The following C14orf132 variants were observed in gnomAD, a reference collection of about 807,000 sequenced individuals.
The protein encoded by C14orf132 is chromosome 14 open reading frame 132, also known as uncharacterized protein C14orf132.
A neutral mutation model predicts 5.8 loss-of-function variants in C14orf132; 6 were observed. The observed-to-expected ratio is 1.03, with a 90% CI of 0.57 to 2.04. The LOEUF (loss-of-function observed/expected upper bound fraction) is 2.04. Ranked by LOEUF, C14orf132 falls within the 30% of genes most tolerant of loss-of-function variation. The pLI, the probability that C14orf132 is intolerant of heterozygous loss-of-function variation, is 0.00. For synonymous variants in C14orf132, 51 were observed against 49.8 expected (o/e 1.02, Z -0.10); for missense variants, 125 against 115.8 (o/e 1.08, Z -0.37).
Position 96,039,736 on chromosome 14 carries a change from G to C in C14orf132, c.27+209G>C, listed in dbSNP as rs970905169. ...CGGGGTGGGGCGGGCTGCGCGCCCCGCACCCCCGCGGCTCGAGCTGTTCCC... is the reference window on the plus strand; with the variant it reads ...CGGGGTGGGGCGGGCTGCGCGCCCCCCACCCCCGCGGCTCGAGCTGTTCCC... On this transcript the variant is annotated intron_variant, in intron 1 of 1. Transcript: ENST00000555004. The surrounding 1 kb of genome is among the most constrained non-coding windows in gnomAD (Gnocchi z 5.3). Among the ~76,000 whole-genome samples the C allele has an allele frequency of 3.3e-5, 5 of 152,072 alleles. No individual in the cohort carries two copies. Among genetic ancestry groups the C allele is most frequent in the African/African-American group, 1.2e-4 (5 of 41,422 alleles).
intron 1 of C14orf132, among the ~76,000 whole-genome samples, chr14:96,048,725 C>T (rs1316383585): frequency 1.3e-5 from 2 of 151,966 alleles, no homozygotes; most frequent in Admixed American, 1.3e-4. Context: ...GGGGTTTTAC[C>T]ATGTTGGCCA....
intron 1 of C14orf132, among the ~76,000 whole-genome samples, chr14:96,065,940 T>A (rs1459052603): frequency 6.6e-6 from 1 of 151,998 alleles, no homozygotes; most frequent in South Asian, 2.1e-4. Context: ...CAAGGGAAAA[T>A]TTTTAAACTC....
At chr14:96,046,108 G>C (rs1386197401) in intron 1 of C14orf132, among the ~76,000 whole-genome samples, 1 of 152,184 alleles carries the variant, frequency 6.6e-6, no homozygotes, top group Non-Finnish European at 1.5e-5. Flanking sequence ...AGCAGTTCCA[G>C]GTAGAAGCTG....
At chr14:96,069,179 G>GTGTA (rs752681569) in intron 1 of C14orf132, among the ~76,000 whole-genome samples, 2 of 48,762 alleles carry the variant, frequency 4.1e-5, no homozygotes, top group African/African-American at 1.0e-4. Flanking sequence ...ATATATATAT[G>GTGTA]TATATATATA....
Position 96,090,428 on chromosome 14 carries a change from A to G in C14orf132, c.*3693A>G, listed in dbSNP as rs1448672127. ...AAAGAAAAGAAAAAAAAAAAGAGCA[A>G]CTTACTGCTTTGTGAGGTTGTGAGT... On this transcript the variant is annotated 3_prime_UTR_variant, in exon 2 of 2. Coordinates refer to ENST00000555004, the MANE Select transcript of C14orf132 (RefSeq NM_001252507.3). 6.8e-6 allele frequency: 2 copies of G among 293,060 alleles called. No individual in the cohort carries two copies. The highest frequency in any genetic ancestry group is 1.3e-5 in the Non-Finnish European group (2 of 150,080). The allele number at this position is 293,060 out of a possible 1,614,324, so 18.2% of individuals were successfully genotyped here. A position where few individuals can be genotyped will look rare whatever the true frequency, so the allele number is the denominator to read the frequency against.
chr14:96,064,779 T>C (rs1169258341), intron 1 of C14orf132, among the ~76,000 whole-genome samples: 1 of 151,848 alleles, frequency 6.6e-6, no homozygotes, highest in African/African-American at 2.4e-5. Context: ...AAGAACTTAC[T>C]CATGCAACCA....
rs537320987 is a variant in C14orf132, at chr14:96,086,729, C to A, written c.246C>A (p.Thr82=). The A allele has an allele frequency of 1.3e-6, 2 of 1,536,040 alleles. No individual in the cohort carries two copies. The highest frequency in any genetic ancestry group is 2.4e-5 in the South Asian group (2 of 84,056). The change falls in exon 2 of 2, where the codon ACC becomes ACA. Residue 82 remains threonine, a synonymous_variant. Coordinates refer to ENST00000555004, the MANE Select transcript of C14orf132 (RefSeq NM_001252507.3). ...IVVVGVVYAF[T]F ...TGGTGGGCGTGGTGTATGCCTTCAC[C>A]TTCTGAGGACGGCACACCCTGCACC...
At chr14:96,046,327 T>C (rs1886830671) in intron 1 of C14orf132, among the ~76,000 whole-genome samples, 1 of 152,198 alleles carries the variant, frequency 6.6e-6, no homozygotes, top group African/African-American at 2.4e-5. Flanking sequence ...AAAACAGGTG[T>C]GTGGGCTGGA....
At chr14:96,047,237 G>A (rs532848690) in intron 1 of C14orf132, among the ~76,000 whole-genome samples, 1 of 152,236 alleles carries the variant, frequency 6.6e-6, no homozygotes, top group Non-Finnish European at 1.5e-5. Flanking sequence ...AGCAGTTCAA[G>A]AAGTAAACAT....
At chr14:96,070,934 G>A (rs778820664) in intron 1 of C14orf132, among the ~76,000 whole-genome samples, 2 of 152,112 alleles carry the variant, frequency 1.3e-5, no homozygotes, top group Admixed American at 6.5e-5. Flanking sequence ...AAAGGTCATC[G>A]ATCATTGTAT....
chr14:96,074,298 T>C (rs1202188768), intron 1 of C14orf132, among the ~76,000 whole-genome samples: 1 of 152,182 alleles, frequency 6.6e-6, no homozygotes, highest in East Asian at 1.9e-4. Flanking sequence ...GTAAATAGTT[T>C]CTTTCAGCCT....
chr14:96,062,603 C>T (rs1289223665), intron 1 of C14orf132, among the ~76,000 whole-genome samples: 3 of 152,154 alleles, frequency 2.0e-5, no homozygotes, highest in South Asian at 4.1e-4. Flanking sequence ...AGGAAAAAGT[C>T]CTCCTGCCCA....
chr14:96,047,705 A>G (rs1886868915), intron 1 of C14orf132, among the ~76,000 whole-genome samples: 1 of 152,210 alleles, frequency 6.6e-6, no homozygotes, highest in Admixed American at 6.5e-5. Context: ...TCTCTGCATC[A>G]CGTCAGCCTA....
intron 1 of C14orf132, chr14:96,051,149 G>A: frequency 5.0e-6 from 2 of 398,680 alleles, no homozygotes; most frequent in Non-Finnish European, 8.8e-6. Flanking sequence ...GGAATAACAA[G>A]TGAGGATGCC....
At chr14:96,083,428 C>T (rs576438402) in intron 1 of C14orf132, among the ~76,000 whole-genome samples, 3 of 152,282 alleles carry the variant, frequency 2.0e-5, no homozygotes, top group Admixed American at 2.0e-4. Flanking sequence ...GATTACCGTT[C>T]ATGGCCAAAA....
chr14:96,055,018 A>G (rs1887137111), intron 1 of C14orf132, among the ~76,000 whole-genome samples: 1 of 152,224 alleles, frequency 6.6e-6, no homozygotes, highest in Non-Finnish European at 1.5e-5. Flanking sequence ...TAGCACAGAT[A>G]TGTCAAGAAC....
At chr14:96,042,921 A>G (rs2033447853) in intron 1 of C14orf132, among the ~76,000 whole-genome samples, 1 of 152,248 alleles carries the variant, frequency 6.6e-6, no homozygotes, top group African/African-American at 2.4e-5. Flanking sequence ...GGAGTGGCCA[A>G]GAGGACAGGG....
At chr14:96,082,232 C>T (rs145823406) in intron 1 of C14orf132, among the ~76,000 whole-genome samples, 88 of 152,278 alleles carry the variant, frequency 5.8e-4, no homozygotes, top group Admixed American at 1.6e-3. Context: ...CCAGCAGTGG[C>T]GTGCCACCAG....
At position 96,049,612 on chromosome 14, in the gene C14orf132, A is replaced by G. The variant is rs577512935; in HGVS notation, c.27+10085A>G. Reference sequence around the variant, plus strand: ...TATACATATATACGTATATATATACATATATACGTATATATATACATATAT... The same window carrying G: ...TATACATATATACGTATATATATACGTATATACGTATATATATACATATAT... On this transcript the variant is annotated intron_variant, in intron 1 of 1. Coordinates refer to ENST00000555004, the MANE Select transcript of C14orf132 (RefSeq NM_001252507.3). 6.3e-4 allele frequency among the ~76,000 whole-genome samples: 69 copies of G among 108,840 alleles called. 5 individuals carry two copies. Among genetic ancestry groups the G allele is most frequent in the African/African-American group, 2.3e-3 (60 of 25,878 alleles). 71.4% of individuals were successfully genotyped at this position (108,840 alleles called of 152,430 possible).
Sources: allele counts gnomAD v4.1 joint callset (sites outside exome capture counted in the v4.1 genomes callset), GRCh38; gene constraint gnomAD v4.1.1; non-coding constraint Gnocchi (gnomAD v3.1); transcripts MANE v1.5; gene names NCBI Gene and HGNC (gene_info 2026-07-23, HGNC 2026-07-21).